VILL: variants seen among roughly 807,000 people sequenced by gnomAD.
VILL encodes villin like.
Under a neutral mutation model 106.3 loss-of-function variants are expected in VILL, and 102 were observed. The observed-to-expected ratio is 0.96, with a 90% confidence interval of 0.82 to 1.13. The LOEUF (loss-of-function observed/expected upper bound fraction) is 1.13. Among genes scored for constraint, VILL ranks in the 50% most tolerant of loss-of-function variants. VILL has a pLI of 0.00. For missense variants in VILL, 1,076 were observed against 1,116.6 expected (o/e 0.96, Z 0.52); for synonymous variants, 431 against 440.3 (o/e 0.98, Z 0.27).
At chr3:37,992,362 T>C (rs918563964) in intron 1 of VILL, among the ~76,000 whole-genome samples, 3 of 152,148 alleles carry the variant, frequency 2.0e-5, no homozygotes, top group South Asian at 4.1e-4. Context: ...TCATGGCCAC[T>C]ATGTCTGCCT....
intron 14 of VILL, 91 bp from the exon 15 acceptor site, chr3:38,003,077 G>A: frequency 4.7e-6 from 7 of 1,498,626 alleles, no homozygotes; most frequent in Non-Finnish European, 6.2e-6. Context: ...CTTGGGCCCA[G>A]CCCCACCCCA....
intron 11 of VILL, among the ~76,000 whole-genome samples, chr3:38,000,130 C>T (rs1047030157): frequency 4.6e-5 from 7 of 152,236 alleles, no homozygotes; most frequent in Non-Finnish European, 1.0e-4. Context: ...GGCCCCAAGG[C>T]TGATGTGGGG....
intron 3 of VILL, 106 bp downstream of exon 3, chr3:37,994,078 C>T (rs976984899): frequency 6.1e-6 from 9 of 1,486,344 alleles, no homozygotes; most frequent in Middle Eastern, 1.7e-4. Context: ...AGTTGAGAGC[C>T]GGAGAATCAC....
At chr3:38,005,714 G>A (rs1699904860) in intron 16 of VILL, 78 bp from the exon 17 acceptor site, 1 of 1,481,974 alleles carries the variant, frequency 6.7e-7, no homozygotes, top group African/African-American at 1.4e-5. Flanking sequence ...GGGACAACTG[G>A]ACAGGGAGTG....
intron 14 of VILL, 31 bp from the exon 15 acceptor site, chr3:38,003,137 G>T (rs948308659): frequency 6.2e-7 from 1 of 1,609,982 alleles, no homozygotes; most frequent in Non-Finnish European, 8.5e-7. Flanking sequence ...CCCTCCTCAT[G>T]CAGGGCCTGA....
chr3:38,001,390 G>A (rs1699812972), intron 11 of VILL, 66 bp from the exon 12 acceptor site: 1 of 1,594,328 alleles, frequency 6.3e-7, no homozygotes, highest in Admixed American at 1.7e-5. Flanking sequence ...TTCCGGTTGG[G>A]TACAGGATGG....
chr3:38,001,071 A>C, intron 11 of VILL: 1 of 480,182 alleles, frequency 2.1e-6, no homozygotes, highest in African/African-American at 2.0e-5. Flanking sequence ...ATAAAAGGGA[A>C]TTCATTCAAG....
chr3:37,997,519 C>CGTG lies in VILL; in HGVS notation c.607_609dup (p.Gly203dup). 6.2e-7 allele frequency: 1 copy of CGTG among 1,614,062 alleles called. No individual in the cohort carries two copies. Among genetic ancestry groups the CGTG allele is most frequent in the Non-Finnish European group, 8.5e-7 (1 of 1,180,004 alleles). ...GACCTACAGCCTCCGGGACAGGGAA[C>CGTG]GTGGTGGTGGTCGTGCACAGATTGG... On this transcript the variant is annotated inframe_insertion, in exon 7 of 20. Transcript: ENST00000383759. This position sits in a 1 kb window ranked among gnomAD's most constrained non-coding sequence, Gnocchi z 4.7.
At chr3:38,000,603 A>C (rs765186890) in intron 11 of VILL, among the ~76,000 whole-genome samples, 3 of 152,148 alleles carry the variant, frequency 2.0e-5, no homozygotes, top group Non-Finnish European at 4.4e-5. Context: ...GGTGCCAAGC[A>C]CAAAGTCAGG....
chr3:37,998,851 G>A lies in VILL; in HGVS notation c.943-61G>A. 3 of 1,547,214 alleles carry A rather than the reference G, an allele frequency of 1.9e-6. No homozygotes were observed. Among genetic ancestry groups the A allele is most frequent in the East Asian group, 4.8e-5 (2 of 41,656 alleles). ...GCTGTCCCAGAGCGGTAGGTCCCCA[G>A]GAGCGGCAGTGGGGCAGTGGACTCT... On this transcript the variant is annotated intron_variant, in intron 9 of 19. Coordinates refer to ENST00000383759, the MANE Select transcript of VILL (RefSeq NM_015873.4). This position sits in a 1 kb window ranked among gnomAD's most constrained non-coding sequence, Gnocchi z 4.1.
At chr3:37,995,712 T>C (rs1699688917) in intron 4 of VILL, 27 bp from the exon 5 acceptor site, 9 of 1,580,494 alleles carry the variant, frequency 5.7e-6, no homozygotes, top group Non-Finnish European at 7.0e-6. Context: ...ACAGAATGTA[T>C]ATACCCTCCT....
intron 17 of VILL, 99 bp from the exon 18 acceptor site, chr3:38,006,082 G>C: frequency 6.3e-7 from 1 of 1,599,358 alleles, no homozygotes; most frequent in Admixed American, 1.7e-5. Flanking sequence ...TTGCCAGTGT[G>C]TGCGAGAGAC....
At chr3:38,003,846 A>G (rs1043252888) in intron 15 of VILL, 10 of 190,818 alleles carry the variant, frequency 5.2e-5, no homozygotes, top group Admixed American at 1.6e-4. Flanking sequence ...ACTCCCCACA[A>G]TTCTCCTGAG....
At position 38,007,134 on chromosome 3, in the gene VILL, C is replaced by T. The variant is rs1699950920; in HGVS notation, c.*79C>T. 4.1e-6 allele frequency: 5 copies of T among 1,216,138 alleles called. No homozygotes were observed. The East Asian group carries it at 9.3e-5, about 23-fold the overall frequency. 75.3% of individuals were successfully genotyped at this position (1,216,138 alleles called of 1,614,324 possible). On this transcript the variant is annotated 3_prime_UTR_variant, in exon 20 of 20. Coordinates refer to ENST00000383759, the MANE Select transcript of VILL (RefSeq NM_015873.4). ...CTGGGGAGGCCCTGCTTCCACTCCC[C>T]TCAGAGGCTTTTGGTCATCCTCTGC...
At position 37,993,810 on chromosome 3, in the gene VILL, C is replaced by T. The variant is rs926568946; in HGVS notation, c.60+78C>T. 2.5e-6 allele frequency: 4 copies of T among 1,606,128 alleles called. No homozygotes were observed. The African/African-American group carries it at 5.4e-5, about 22-fold the overall frequency. On this transcript the variant is annotated intron_variant, in intron 2 of 19. Coordinates refer to ENST00000383759, the MANE Select transcript of VILL (RefSeq NM_015873.4). ...TTCCACACTAGGCTTCTCCCGCCCC[C>T]AACTCAGAGCGTCCTCTTCCACCCC...
At position 37,993,936 on chromosome 3, in the gene VILL, G is replaced by A. The variant is rs759768028; in HGVS notation, c.99G>A (p.Gly33=). Residue 33 remains glycine (G), a synonymous_variant, in exon 3 of 20, where the codon GGG becomes GGA. Transcript: ENST00000383759. ...TGCCGGTACCCGAGGGGGCTTACGG[G>A]AACTTTTTTGAGGAACACTGCTATG... ...KMVPVPEGAY[G]NFFEEHCYVI... The A allele has an allele frequency of 1.3e-5, 21 of 1,614,076 alleles. No individual in the cohort carries two copies. Among genetic ancestry groups the A allele is most frequent in the Non-Finnish European group, 1.7e-5 (20 of 1,180,048 alleles).
At chr3:38,003,992 C>A in intron 15 of VILL, 1 of 389,270 alleles carries the variant, frequency 2.6e-6, no homozygotes, top group Non-Finnish European at 4.7e-6. Context: ...AGGCCCTCCC[C>A]TACCCCTGCA....
chr3:37,994,457 C>T lies in VILL; in HGVS notation c.332C>T (p.Pro111Leu), dbSNP rs1168283734. 2 of 1,612,228 alleles carry T rather than the reference C, an allele frequency of 1.2e-6. No homozygotes were observed. The highest frequency in any genetic ancestry group is 1.7e-6 in the Non-Finnish European group (2 of 1,179,726). Residue 111 changes from proline (P) to leucine (L), a missense_variant, in exon 4 of 20, where the codon CCG becomes CTG. Pro to Leu is a moderately conservative substitution (Grantham distance 98). Coordinates refer to ENST00000383759, the MANE Select transcript of VILL (RefSeq NM_015873.4). The stretch of plus-strand genomic sequence containing the variant: ...GACTGCTTCTGCAGCTACTTCCGCC[C>T]GGGAATCATGTGAGTGCGGGGGCGA... ...ESDCFCSYFR[P>L]GIIYRKGGLA...
chr3:38,004,264 G>T lies in VILL; in HGVS notation c.1815G>T (p.Glu605Asp). ...TGTCCGTGCTGGCCAGGCTCCCTGAGGAGGTCCCCAGCTTCCAGCCACGAC... is the reference window on the plus strand; with the variant it reads ...TGTCCGTGCTGGCCAGGCTCCCTGATGAGGTCCCCAGCTTCCAGCCACGAC... ...APYPSNKRLPEEVPSFQPRLF... is the reference protein window; with the variant it reads ...APYPSNKRLPDEVPSFQPRLF... Residue 605 changes from glutamate (E) to aspartate (D), a missense_variant, in exon 16 of 20, where the codon GAG becomes GAT. Physicochemically the swap from Glu to Asp is conservative, Grantham distance 45 (BLOSUM62 2). Coordinates refer to ENST00000383759, the MANE Select transcript of VILL (RefSeq NM_015873.4). The T allele has an allele frequency of 1.2e-6, 2 of 1,611,636 alleles. 1 individual carries two copies. Among genetic ancestry groups the T allele is most frequent in the Middle Eastern group, 3.4e-4 (2 of 5,940 alleles).
Sources: allele counts gnomAD v4.1 joint callset (sites outside exome capture counted in the v4.1 genomes callset), GRCh38; gene constraint gnomAD v4.1.1; non-coding constraint Gnocchi (gnomAD v3.1); transcripts MANE v1.5; gene names NCBI Gene and HGNC (gene_info 2026-07-23, HGNC 2026-07-21).